Variants in CIITA observed in about 807,000 individuals in gnomAD.
CIITA encodes the protein class II major histocompatibility complex transactivator, also known as MHC class II transactivator.
A neutral mutation model predicts 115.1 loss-of-function variants in CIITA; 72 were observed. The ratio of observed to expected loss-of-function variants is 0.63; its 90% CI spans 0.52 to 0.76. The LOEUF is 0.76. CIITA is among the 30% of genes least tolerant of loss of function. The probability of loss-of-function intolerance (pLI) is 0.00; values close to 1 mark genes in which losing one functional copy is unlikely to be tolerated. For missense variants in CIITA, 1,617 were observed against 1,463.8 expected (o/e 1.10, Z -1.71); for synonymous variants, 763 against 635.6 (o/e 1.20, Z -3.02).
At position 10,920,376 on chromosome 16, in the gene CIITA, T is replaced by G. The variant is rs956651181; in HGVS notation, c.3150-1791T>G. 6.6e-6 allele frequency among the ~76,000 whole-genome samples: 1 copy of G among 152,204 alleles called. No homozygotes were observed. Among genetic ancestry groups the G allele is most frequent in the Admixed American group, 6.5e-5 (1 of 15,278 alleles). On this transcript the variant is annotated intron_variant, in intron 16 of 19. Transcript: ENST00000324288. This position sits in a 1 kb window ranked among gnomAD's most constrained non-coding sequence, Gnocchi z 4.5. ...GATTCTCATGCCTCAGCCTCCCAAG[T>G]AGCTGGGATTACAGATGCCCGCCAC...
chr16:10,876,352 A>C (rs1374048385), upstream of CIITA, among the ~76,000 whole-genome samples: 2 of 152,204 alleles, frequency 1.3e-5, no homozygotes, highest in Non-Finnish European at 1.5e-5. Context: ...ACGTCCCATT[A>C]TAAAGGGAAA....
chr16:10,866,364 C>T (rs756537084), intron 1 of CIITA: 2 of 568,438 alleles, frequency 3.5e-6, no homozygotes, highest in South Asian at 1.4e-5. Context: ...TGGTGCAGGC[C>T]CTCTTGGACA....
In CIITA at chr16:10,898,568, C is replaced by A. The variant is rs1320303104; in HGVS notation, c.296-102C>A. The A allele has an allele frequency of 1.4e-5, 11 of 793,386 alleles. No individual in the cohort carries two copies. In the East Asian group the frequency reaches 3.1e-4, roughly 22 times the overall value. The allele number at this position is 793,386 out of a possible 1,614,324, so 49.1% of individuals were successfully genotyped here. ...ATTCAACAAACATTTCTTGAGTCCCCACTGTGTGCCAGGCCCAGAGGTTCC... is the reference window on the plus strand; with the variant it reads ...ATTCAACAAACATTTCTTGAGTCCCAACTGTGTGCCAGGCCCAGAGGTTCC... On this transcript the variant is annotated intron_variant, in intron 3 of 19. Transcript: ENST00000324288.
At chr16:10,918,152 A>T (rs1302249138) in intron 15 of CIITA, among the ~76,000 whole-genome samples, 1 of 152,252 alleles carries the variant, frequency 6.6e-6, no homozygotes, top group African/African-American at 2.4e-5. Context: ...AAATAATGCC[A>T]ACACTTATTT....
chr16:10,887,251 G>T (rs1232822472), intron 1 of CIITA, among the ~76,000 whole-genome samples: 1 of 152,082 alleles, frequency 6.6e-6, no homozygotes, highest in Non-Finnish European at 1.5e-5. Context: ...GTTGGGGGGG[G>T]CCTTGGGGGA....
At chr16:10,866,542 G>A (rs367588994) in intron 1 of CIITA, 22 of 550,060 alleles carry the variant, frequency 4.0e-5, no homozygotes, top group Admixed American at 1.2e-4. Flanking sequence ...CCCAGCAGCC[G>A]AGAGGGGCCC....
chr16:10,866,259 C>T (rs759786416), upstream of CIITA: 2 of 539,370 alleles, frequency 3.7e-6, no homozygotes, highest in East Asian at 7.7e-5. Flanking sequence ...AGGCACTGGC[C>T]AGGGCAGCTG....
At chr16:10,876,590 C>T (rs1596409667), upstream of CIITA, among the ~76,000 whole-genome samples, 1 of 152,218 alleles carries the variant, frequency 6.6e-6, no homozygotes, top group East Asian at 1.9e-4. Context: ...CTAACTTTCT[C>T]CCTATGGGAG....
At chr16:10,922,553 G>A (rs1214069674) in intron 18 of CIITA, 63 bp downstream of exon 18, 4 of 1,543,842 alleles carry the variant, frequency 2.6e-6, no homozygotes, top group Non-Finnish European at 2.7e-6. Context: ...GGCCCAGTGT[G>A]ACCCCGGAGC....
chr16:10,881,718 C>T (rs1366527962), intron 1 of CIITA, among the ~76,000 whole-genome samples: 1 of 152,180 alleles, frequency 6.6e-6, no homozygotes, highest in African/African-American at 2.4e-5. Context: ...TTCAAATGTA[C>T]ATTTCAGTGG....
intron 16 of CIITA, 38 bp downstream of exon 16, chr16:10,918,564 G>T: frequency 6.3e-7 from 1 of 1,586,378 alleles, no homozygotes; most frequent in South Asian, 1.1e-5. Flanking sequence ...GTGCTGAGCT[G>T]GGGGGCTGCA....
rs563720718 is a variant in CIITA, at chr16:10,889,252, G to A, written c.53-6030G>A. Among the ~76,000 whole-genome samples, 5 of 152,258 alleles carry A rather than the reference G, an allele frequency of 3.3e-5. No homozygotes were observed. The South Asian group carries it at 1.0e-3, about 32-fold the overall frequency. ...GAAACAGTCCAATGAAGGGGCCTTT[G>A]AAGCACTTCCTAAGCATCTATAGAC... On this transcript the variant is annotated intron_variant, in intron 1 of 19. Transcript: ENST00000324288.
intron 4 of CIITA, 78 bp downstream of exon 4, chr16:10,898,810 T>A: frequency 6.2e-7 from 1 of 1,600,366 alleles, no homozygotes; most frequent in South Asian, 1.1e-5. Context: ...CCCTAATACC[T>A]GACGACCATT....
chr16:10,890,946 G>A (rs529850926), intron 1 of CIITA, among the ~76,000 whole-genome samples: 1 of 152,266 alleles, frequency 6.6e-6, no homozygotes, highest in South Asian at 2.1e-4. Context: ...ACTTGCCCAG[G>A]TTACAGTGTG....
At chr16:10,941,177 T>C (rs1401709719), downstream of CIITA, 2 of 153,724 alleles carry the variant, frequency 1.3e-5, no homozygotes, top group African/African-American at 4.8e-5. The surrounding 1 kb of genome is among the most constrained non-coding windows in gnomAD (Gnocchi z 6.4). Context: ...TAAATCTTTA[T>C]CCTTCTAGGA....
upstream of CIITA, among the ~76,000 whole-genome samples, chr16:10,874,480 G>A (rs975854047): frequency 2.0e-5 from 3 of 152,168 alleles, no homozygotes; most frequent in Admixed American, 1.3e-4. Flanking sequence ...ATCCAGGTGT[G>A]CCTCAGCTCC....
chr16:10,894,358 T>A (rs1161183824), intron 1 of CIITA, among the ~76,000 whole-genome samples: 4 of 152,238 alleles, frequency 2.6e-5, no homozygotes, highest in African/African-American at 9.6e-5. Context: ...ATCCATTTAT[T>A]TTTTGGTGGA....
chr16:10,908,889 T>C (rs1194306000), intron 11 of CIITA, 140 bp from the exon 12 acceptor site: 1 of 1,231,830 alleles, frequency 8.1e-7, no homozygotes, highest in Non-Finnish European at 1.2e-6. Flanking sequence ...GGAGTGGTCA[T>C]GGAAGGCTTT....
At chr16:10,915,010 C>T (rs553027861) in intron 13 of CIITA, 6 of 454,704 alleles carry the variant, frequency 1.3e-5, no homozygotes, top group South Asian at 9.3e-5. Context: ...AGCTGGGGAG[C>T]CCCAAGATGG....
Sources: gnomAD v4.1 joint callset for allele counts (sites outside exome capture counted in the v4.1 genomes callset) on GRCh38, gnomAD v4.1.1 for gene constraint, Gnocchi (gnomAD v3.1) non-coding constraint, MANE v1.5 for transcripts, NCBI Gene and HGNC (gene_info 2026-07-23, HGNC 2026-07-21) for gene names.